Variants in CMTM4 observed in about 807,000 individuals in gnomAD.
The protein encoded by CMTM4 is CKLF-like MARVEL transmembrane domain-containing protein 4.
A neutral mutation model predicts 19.0 loss-of-function variants in CMTM4; 8 were observed. The ratio of observed to expected loss-of-function variants is 0.42; its 90% confidence interval spans 0.25 to 0.76. The LOEUF (loss-of-function observed/expected upper bound fraction) is 0.76. Among genes scored for constraint, CMTM4 ranks in the 30% least tolerant of loss-of-function variants. The probability of loss-of-function intolerance (pLI) is 0.27; values close to 1 mark genes in which losing one functional copy is unlikely to be tolerated. For synonymous variants in CMTM4, 106 were observed against 121.1 expected (o/e 0.88, Z 0.82); for missense variants, 228 against 290.2 (o/e 0.79, Z 1.56).
chr16:66,696,537 GC>G lies in CMTM4; in HGVS notation c.-13del. On this transcript the variant is annotated 5_prime_UTR_variant, in exon 1 of 4. Transcript: ENST00000394106. The surrounding 1 kb of genome is among the most constrained non-coding windows in gnomAD (Gnocchi z 4.3). ...TCGCCGCTCCGCATGCTGCCGCCCG[GC>G]CCGGGCCGCCTCGCGCGGCTGGCTC... 8.5e-7 allele frequency: 1 copy of G among 1,183,082 alleles called. No individual in the cohort carries two copies. The allele number at this position is 1,183,082 out of a possible 1,614,324, so 73.3% of individuals were successfully genotyped here.
At chr16:66,600,136 G>GGTTTTTTTTTTTTT in the CMTM4 span, among the ~76,000 whole-genome samples, 1 of 135,166 alleles carries the variant, frequency 7.4e-6, no homozygotes, top group South Asian at 2.4e-4. Context: ...GTGTGTGTGT[G>GGTTTTTTTTTTTTT]TTTTTTTTTG....
At chr16:66,641,331 G>A (rs1317258946) in intron 1 of CMTM4, among the ~76,000 whole-genome samples, 2 of 152,266 alleles carry the variant, frequency 1.3e-5, no homozygotes, top group Middle Eastern at 3.4e-3. Context: ...ACTGTGGCCC[G>A]CCTAAGATGT....
chr16:66,652,989 A>G (rs1234620478), intron 1 of CMTM4, among the ~76,000 whole-genome samples: 2 of 147,482 alleles, frequency 1.4e-5, no homozygotes, highest in Non-Finnish European at 2.9e-5. Context: ...CCCTTAAAGC[A>G]TAAACATCTG....
At chr16:66,629,663 T>C (rs948671092) in intron 2 of CMTM4, among the ~76,000 whole-genome samples, 3 of 152,184 alleles carry the variant, frequency 2.0e-5, no homozygotes, top group Non-Finnish European at 4.4e-5. Context: ...AGTTTCAGGA[T>C]AGGGGCAGGT....
At chr16:66,609,331 C>T in the CMTM4 span, 3 of 958,064 alleles carry the variant, frequency 3.1e-6, no homozygotes, top group Non-Finnish European at 3.2e-6. The surrounding 1 kb of genome is among the most constrained non-coding windows in gnomAD (Gnocchi z 4.4). Context: ...TAGGAGCCCT[C>T]AGGTGCTAGG....
Position 66,620,982 on chromosome 16 carries a change from C to CT in CMTM4, c.*1075dup. 1 of 985,850 alleles carries CT rather than the reference C, an allele frequency of 1.0e-6. No individual in the cohort carries two copies. Among genetic ancestry groups the CT allele is most frequent in the Non-Finnish European group, 1.2e-6 (1 of 829,938 alleles). 61.1% of individuals were successfully genotyped at this position (985,850 alleles called of 1,614,324 possible). ...AAGAATGATGTCTACAGTTATGACA[C>CT]TGAGGCGCCCAAAGCGACAATTAGT... is the stretch of plus-strand genomic sequence containing the variant. On this transcript the variant is annotated 3_prime_UTR_variant, in exon 4 of 4. Coordinates refer to ENST00000394106, the MANE Select transcript of CMTM4 (RefSeq NM_181521.3).
chr16:66,692,750 T>C (rs986691527), intron 1 of CMTM4, among the ~76,000 whole-genome samples: 2 of 150,816 alleles, frequency 1.3e-5, no homozygotes, highest in African/African-American at 2.4e-5. Context: ...TACTAAAAAA[T>C]AGAAAACTTA....
chr16:66,695,532 C>G (rs2017217939), intron 1 of CMTM4, among the ~76,000 whole-genome samples: 1 of 152,170 alleles, frequency 6.6e-6, no homozygotes, highest in South Asian at 2.1e-4. Context: ...TGTTACAAAA[C>G]CACAAAGCAG....
At position 66,623,427 on chromosome 16, in the gene CMTM4, C is replaced by T; in HGVS notation, c.439G>A (p.Ala147Thr). The T allele has an allele frequency of 2.5e-6, 4 of 1,613,830 alleles. No homozygotes were observed. Among genetic ancestry groups the T allele is most frequent in the Non-Finnish European group, 2.5e-6 (3 of 1,179,902 alleles). ...SIVLAALNHRAGAEIAAVIFG... is the reference protein window; with the variant it reads ...SIVLAALNHRTGAEIAAVIFG... Reference sequence around the variant, plus strand: ...ACCACGGCAGCAATTTCTGCTCCGGCTCTATGGTTTAAAGCAGCCAGTACG... The same window carrying T: ...ACCACGGCAGCAATTTCTGCTCCGGTTCTATGGTTTAAAGCAGCCAGTACG... The change falls in exon 3 of 4, where the codon GCC (alanine) becomes ACC (threonine). Residue 147 changes from alanine (A) to threonine (T), a missense_variant. By Grantham distance (58) the Ala-to-Thr change is moderately conservative (BLOSUM62 0). Around this residue, in one of 3 missense-constraint regions of CMTM4, gnomAD observed 200 missense variants for 226.6 expected, o/e 0.88. Coordinates refer to ENST00000394106, the MANE Select transcript of CMTM4 (RefSeq NM_181521.3).
the CMTM4 span, among the ~76,000 whole-genome samples, chr16:66,602,624 GC>G: frequency 6.6e-6 from 1 of 151,984 alleles, no homozygotes; most frequent in African/African-American, 2.4e-5. Context: ...TCAGCTCACT[GC>G]AACCTCTGCC....
Position 66,617,535 on chromosome 16 carries a change from G to GAA in CMTM4, c.*4521_*4522dup. On this transcript the variant is annotated 3_prime_UTR_variant, in exon 4 of 4. Transcript: ENST00000394106. ...TTAAACAGAACATTCACTTTCGGAA[G>GAA]AAAATTTTTCTAGACCTAACAGATA... 1 of 1,371,522 alleles carries GAA rather than the reference G, an allele frequency of 7.3e-7. No individual in the cohort carries two copies. Among genetic ancestry groups the GAA allele is most frequent in the Non-Finnish European group, 9.4e-7 (1 of 1,063,286 alleles). 85.0% of individuals were successfully genotyped at this position (1,371,522 alleles called of 1,614,324 possible).
chr16:66,624,844 C>T (rs767596033), intron 2 of CMTM4, among the ~76,000 whole-genome samples: 3 of 152,200 alleles, frequency 2.0e-5, no homozygotes, highest in African/African-American at 4.8e-5. Context: ...AGACACCCAA[C>T]CTGCTCCTGG....
At chr16:66,605,484 C>A in the CMTM4 span, 2 of 152,676 alleles carry the variant, frequency 1.3e-5, no homozygotes, top group African/African-American at 4.8e-5. This position sits in a 1 kb window ranked among gnomAD's most constrained non-coding sequence, Gnocchi z 4.6. Flanking sequence ...CGGGCTCCTT[C>A]CTACTCCGCC....
intron 1 of CMTM4, among the ~76,000 whole-genome samples, chr16:66,684,068 G>A (rs1309507302): frequency 6.6e-6 from 1 of 152,104 alleles, no homozygotes; most frequent in Admixed American, 6.6e-5. Context: ...CCAGCCAGAG[G>A]TAAGAAATTT....
At chr16:66,646,580 G>A (rs545929528) in intron 1 of CMTM4, among the ~76,000 whole-genome samples, 158 of 151,908 alleles carry the variant, frequency 1.0e-3, no homozygotes, top group African/African-American at 3.6e-3. Flanking sequence ...AAGAGTATAT[G>A]TGTTTTTAAT....
In CMTM4 at chr16:66,618,530, G is replaced by A. The variant is rs925931003; in HGVS notation, c.*3528C>T. 19 of 985,482 alleles carry A rather than the reference G, an allele frequency of 1.9e-5. No individual in the cohort carries two copies. Among genetic ancestry groups the A allele is most frequent in the Non-Finnish European group, 2.3e-5 (19 of 829,974 alleles). 61.0% of individuals were successfully genotyped at this position (985,482 alleles called of 1,614,324 possible). ...CTCTCAGAGCACATGGATAGGTGACGGGTTTCTCATGTGAATCTACAAGAA... is the reference window on the plus strand; with the variant it reads ...CTCTCAGAGCACATGGATAGGTGACAGGTTTCTCATGTGAATCTACAAGAA... On this transcript the variant is annotated 3_prime_UTR_variant, in exon 4 of 4. Transcript: ENST00000394106.
At chr16:66,607,280 T>G in the CMTM4 span, among the ~76,000 whole-genome samples, 1 of 152,170 alleles carries the variant, frequency 6.6e-6, no homozygotes, top group Non-Finnish European at 1.5e-5. Flanking sequence ...ACCTACAGAG[T>G]TGTGGGCAAG....
At position 66,621,837 on chromosome 16, in the gene CMTM4, C is replaced by T. The variant is rs894110673; in HGVS notation, c.*221G>A. On this transcript the variant is annotated 3_prime_UTR_variant, in exon 4 of 4. Transcript: ENST00000394106. ...GACCTCAAGTGGACCTGGGCAGTGA[C>T]GCCGGCTGCTCCACAGCCCCAAACG... 8 of 1,386,360 alleles carry T rather than the reference C, an allele frequency of 5.8e-6. No homozygotes were observed. The highest frequency in any genetic ancestry group is 7.5e-6 in the Non-Finnish European group (8 of 1,069,896). 85.9% of individuals were successfully genotyped at this position (1,386,360 alleles called of 1,614,324 possible).
Position 66,618,048 on chromosome 16 carries a change from A to G in CMTM4, c.*4010T>C. 2.0e-6 allele frequency: 2 copies of G among 985,466 alleles called. No individual in the cohort carries two copies. Among genetic ancestry groups the G allele is most frequent in the Non-Finnish European group, 2.4e-6 (2 of 829,956 alleles). The allele number at this position is 985,466 out of a possible 1,614,324, so 61.0% of individuals were successfully genotyped here. A position where few individuals can be genotyped will look rare whatever the true frequency, so the allele number is the denominator to read the frequency against. On this transcript the variant is annotated 3_prime_UTR_variant, in exon 4 of 4. Coordinates refer to ENST00000394106, the MANE Select transcript of CMTM4 (RefSeq NM_181521.3). ...CCAGACCTGGCCGTGTGTGGACCTC[A>G]CCAGCCTACCAAGCTGTTGGGCCTG...
Sources: allele counts gnomAD v4.1 joint callset (sites outside exome capture counted in the v4.1 genomes callset), GRCh38; gene constraint gnomAD v4.1.1; regional missense constraint gnomAD v4.1.1; non-coding constraint Gnocchi (gnomAD v3.1); transcripts MANE v1.5; gene names NCBI Gene and HGNC (gene_info 2026-07-23, HGNC 2026-07-21).